SEC22C: variants seen among roughly 807,000 people sequenced by gnomAD.
SEC22C encodes the protein vesicle-trafficking protein SEC22c.
In SEC22C, 29 loss-of-function variants were observed where a neutral mutation model predicts 34.7. That is an observed-to-expected ratio of 0.84 (90% CI 0.62 to 1.14). SEC22C has a LOEUF of 1.14. Ranked by LOEUF, SEC22C falls within the 50% of genes most tolerant of loss-of-function variation. The pLI, the probability that SEC22C is intolerant of heterozygous loss-of-function variation, is 0.00. For missense variants in SEC22C, 337 were observed against 369.0 expected (o/e 0.91, Z 0.71); for synonymous variants, 117 against 132.8 (o/e 0.88, Z 0.82).
intron 2 of SEC22C, 119 bp downstream of exon 2, chr3:42,568,746 C>A: frequency 3.7e-6 from 3 of 811,526 alleles, no homozygotes; most frequent in Non-Finnish European, 5.9e-6. Context: ...TGATCTCAGA[C>A]CACTGATGCT....
rs571810469 is a variant in SEC22C at position 42,563,440 on chromosome 3, T to C, written c.346+83A>G. On this transcript the variant is annotated intron_variant, in intron 3 of 6. Coordinates refer to ENST00000264454, the MANE Select transcript of SEC22C (RefSeq NM_032970.4). ...TTGCATCTCCAGTGGTTTTCCTTGA[T>C]GGTCAAAGCCAAACCTAAACTGTAA... 7.3e-6 allele frequency: 9 copies of C among 1,224,972 alleles called. 1 individual carries two copies. In the South Asian group the frequency reaches 8.8e-5, roughly 12 times the overall value. The allele number at this position is 1,224,972 out of a possible 1,614,324, so 75.9% of individuals were successfully genotyped here.
At chr3:42,565,246 G>A (rs944672210) in intron 2 of SEC22C, among the ~76,000 whole-genome samples, 12 of 152,110 alleles carry the variant, frequency 7.9e-5, no homozygotes, top group Admixed American at 5.2e-4. Context: ...AGTAATTGTC[G>A]ATATATATTT....
chr3:42,572,876 A>G (rs182086327), intron 1 of SEC22C, among the ~76,000 whole-genome samples: 54 of 152,350 alleles, frequency 3.5e-4, no homozygotes, highest in African/African-American at 1.2e-3. Context: ...CACCATAAAA[A>G]TGCTTCAATG....
chr3:42,548,630 C>G lies in SEC22C; in HGVS notation c.*4618G>C, dbSNP rs1702097195. The G allele has an allele frequency of 6.2e-7, 1 of 1,613,862 alleles. No individual in the cohort carries two copies. On this transcript the variant is annotated 3_prime_UTR_variant, in exon 7 of 7. Transcript: ENST00000264454. ...GGGTGGCTGGCTCACGAGGTTTGGT[C>G]CAACCAGCAGAACCAGCTCCTTGGA...
At position 42,561,551 on chromosome 3, in the gene SEC22C, AT is replaced by A. The variant is rs541589081; in HGVS notation, c.347-256del. ...CCACCACACCTGGCTAATTTTTTTC[AT>A]TTTTAAATTGTTTTTCTGTAGAGAC... is the stretch of plus-strand genomic sequence containing the variant. On this transcript the variant is annotated intron_variant, in intron 3 of 6. Coordinates refer to ENST00000264454, the MANE Select transcript of SEC22C (RefSeq NM_032970.4). 4.6e-4 allele frequency among the ~76,000 whole-genome samples: 70 copies of A among 151,964 alleles called. No individual in the cohort carries two copies. The East Asian group carries it at 0.012, about 27-fold the overall frequency.
intron 1 of SEC22C, among the ~76,000 whole-genome samples, chr3:42,598,548 C>T (rs1440835518): frequency 1.3e-5 from 2 of 151,920 alleles, no homozygotes; most frequent in South Asian, 2.1e-4. Context: ...AGGCTGGTCT[C>T]GAACTCCTGA....
upstream of SEC22C, among the ~76,000 whole-genome samples, chr3:42,585,552 T>C (rs114396812): frequency 3.3e-3 from 504 of 152,346 alleles, 1 homozygote; most frequent in African/African-American, 0.011. Flanking sequence ...CTACTTTGTT[T>C]TATTTATAAG....
chr3:42,600,394 G>T (rs905170682), intron 1 of SEC22C: 1 of 152,098 alleles, frequency 6.6e-6, no homozygotes, highest in Non-Finnish European at 1.5e-5. Flanking sequence ...GAAAATGCGC[G>T]GCGCTCACAG....
chr3:42,557,817 C>T (rs190823341), intron 4 of SEC22C, 121 bp from the exon 5 acceptor site: 162 of 510,436 alleles, frequency 3.2e-4, no homozygotes, highest in Non-Finnish European at 4.7e-4. Flanking sequence ...CATAGAATTA[C>T]AAACATATTA....
At position 42,552,392 on chromosome 3, in the gene SEC22C, T is replaced by C. The variant is rs1702296721; in HGVS notation, c.*856A>G. On this transcript the variant is annotated 3_prime_UTR_variant, in exon 7 of 7. Transcript: ENST00000264454. The stretch of plus-strand genomic sequence containing the variant: ...GCCCCTCCCAAGCGGATCTGTAAAG[T>C]GCCACTGAATCCATGTTCATTCACC... The C allele has an allele frequency of 1.0e-6, 1 of 985,472 alleles. No homozygotes were observed. The highest frequency in any genetic ancestry group is 4.7e-5 in the South Asian group (1 of 21,288). The allele number at this position is 985,472 out of a possible 1,614,324, so 61.0% of individuals were successfully genotyped here.
At chr3:42,592,217 T>C (rs1287553089) in intron 1 of SEC22C, among the ~76,000 whole-genome samples, 1 of 152,174 alleles carries the variant, frequency 6.6e-6, no homozygotes, top group African/African-American at 2.4e-5. Flanking sequence ...TTTTTTTTCT[T>C]TTTGAGACAG....
intron 1 of SEC22C, among the ~76,000 whole-genome samples, chr3:42,580,034 A>G (rs1205764445): frequency 3.9e-5 from 6 of 152,242 alleles, no homozygotes; most frequent in Non-Finnish European, 5.9e-5. Flanking sequence ...TTATAAAAAC[A>G]TATTTTAATT....
chr3:42,597,245 TGACTGTACTTTA>T (rs1252065901), intron 1 of SEC22C, among the ~76,000 whole-genome samples: 12 of 152,126 alleles, frequency 7.9e-5, no homozygotes, highest in African/African-American at 2.9e-4. Context: ...ACCAAAGGTT[TGACTGTACTTTA>T]AAAAGGTGAC....
intron 1 of SEC22C, among the ~76,000 whole-genome samples, chr3:42,588,528 A>T (rs1330247554): frequency 1.3e-5 from 2 of 152,210 alleles, no homozygotes; most frequent in South Asian, 2.1e-4. Flanking sequence ...CCCAGGACAG[A>T]TCTTTGTGTG....
In SEC22C at chr3:42,551,567, G is replaced by C. The variant is rs932638204; in HGVS notation, c.*1681C>G. ...TGTCCAGGCTGGTCTCAAACTACTG[G>C]CCTCAACCGAGTCTCCTGCTTTGGC... On this transcript the variant is annotated 3_prime_UTR_variant, in exon 7 of 7. Transcript: ENST00000264454. 12 of 556,786 alleles carry C rather than the reference G, an allele frequency of 2.2e-5. No individual in the cohort carries two copies. The African/African-American group carries it at 2.3e-4, about 10-fold the overall frequency. 34.5% of individuals were successfully genotyped at this position (556,786 alleles called of 1,614,324 possible). A position where few individuals can be genotyped will look rare whatever the true frequency, so the allele number is the denominator to read the frequency against.
chr3:42,583,956 C>A (rs1704523637), upstream of SEC22C, among the ~76,000 whole-genome samples: 1 of 152,216 alleles, frequency 6.6e-6, no homozygotes, highest in Non-Finnish European at 1.5e-5. Flanking sequence ...GGGAGATACA[C>A]CATTCAGCTT....
chr3:42,591,201 CTTT>C (rs71616053), intron 1 of SEC22C: 1,582 of 483,526 alleles, frequency 3.3e-3, no homozygotes, highest in Middle Eastern at 4.3e-3. Flanking sequence ...CCTTTCTCTC[CTTT>C]TTTTTTTTTT....
At chr3:42,555,046 T>A (rs774058420) in intron 6 of SEC22C, among the ~76,000 whole-genome samples, 6 of 152,166 alleles carry the variant, frequency 3.9e-5, no homozygotes, top group Admixed American at 6.5e-5. Flanking sequence ...ATATATTTTT[T>A]AAAAAATTTT....
At chr3:42,598,862 G>A (rs527748476) in intron 1 of SEC22C, among the ~76,000 whole-genome samples, 2 of 146,646 alleles carry the variant, frequency 1.4e-5, no homozygotes, top group African/African-American at 5.0e-5. Flanking sequence ...TAATGCCAGC[G>A]AACTGTACAC....
Sources: gnomAD v4.1 joint callset for allele counts (sites outside exome capture counted in the v4.1 genomes callset) on GRCh38, gnomAD v4.1.1 for gene constraint, MANE v1.5 for transcripts, NCBI Gene and HGNC (gene_info 2026-07-23, HGNC 2026-07-21) for gene names.